The following DDX10 variants were observed in gnomAD, a reference collection of about 807,000 sequenced individuals.
DDX10 encodes the protein DEAD-box helicase 10.
DDX10 carries 74 observed loss-of-function variants against 104.3 expected under a neutral mutation model. The ratio of observed to expected loss-of-function variants is 0.71; its 90% CI spans 0.59 to 0.86. The LOEUF (loss-of-function observed/expected upper bound fraction) is 0.86. Among genes scored for constraint, DDX10 ranks in the 40% least tolerant of loss-of-function variants. DDX10 has a pLI of 0.00. For missense variants in DDX10, 952 were observed against 1,040.0 expected (o/e 0.92, Z 1.16); for synonymous variants, 351 against 353.4 (o/e 0.99, Z 0.08).
intron 16 of DDX10, chr11:108,860,773 T>C (rs2134613526): frequency 6.6e-6 from 1 of 152,232 alleles, no homozygotes; most frequent in South Asian, 2.1e-4. Flanking sequence ...CTTAAACTCC[T>C]GACCTCAAGT....
chr11:108,778,495 A>G (rs1021054476), intron 13 of DDX10, among the ~76,000 whole-genome samples: 4 of 152,254 alleles, frequency 2.6e-5, no homozygotes, highest in African/African-American at 9.6e-5. Context: ...AGCCATATGT[A>G]GAAAGCTGAA....
intron 13 of DDX10, among the ~76,000 whole-genome samples, chr11:108,806,663 G>A (rs1862104841): frequency 1.3e-5 from 2 of 152,198 alleles, no homozygotes; most frequent in Admixed American, 6.5e-5. Context: ...TCCTTTAAAT[G>A]TGGTGGCCAG....
At chr11:108,729,277 A>C (rs762177827) in intron 13 of DDX10, among the ~76,000 whole-genome samples, 4 of 152,142 alleles carry the variant, frequency 2.6e-5, no homozygotes, top group Non-Finnish European at 5.9e-5. Context: ...GCTCTTATTG[A>C]AGGAGGGTCA....
rs757543588 is a variant in DDX10, at chr11:108,715,961, C to G, written c.1405C>G (p.Gln469Glu). 6.6e-7 allele frequency: 1 copy of G among 1,522,804 alleles called. No homozygotes were observed. Among genetic ancestry groups the G allele is most frequent in the South Asian group, 1.2e-5 (1 of 86,754 alleles). The allele number at this position is 1,522,804 out of a possible 1,614,324, so 94.3% of individuals were successfully genotyped here. A position where few individuals can be genotyped will look rare whatever the true frequency, so the allele number is the denominator to read the frequency against. ...AGATCAAGATTTAAAAGAAAGAGCT[C>G]AAAGGGTAAGTCATTTTTCAGTTGG... Reference protein sequence around the residue: ...AQDQDLKERAQRCFVSYVRSV... With the variant: ...AQDQDLKERAERCFVSYVRSV... Residue 469 changes from glutamine to glutamate, a missense_variant, in exon 11 of 18, where the codon CAA (glutamine) becomes GAA (glutamate). Transcript: ENST00000322536.
At chr11:108,671,468 T>G (rs1049513578) in intron 1 of DDX10, among the ~76,000 whole-genome samples, 3 of 152,222 alleles carry the variant, frequency 2.0e-5, no homozygotes, top group Non-Finnish European at 4.4e-5. Context: ...CTGGCTGGGT[T>G]ATTTTCTTTG....
intron 15 of DDX10, among the ~76,000 whole-genome samples, chr11:108,849,268 A>G (rs1387490848): frequency 6.6e-6 from 1 of 152,138 alleles, no homozygotes; most frequent in East Asian, 1.9e-4. Context: ...ACACTGAAGT[A>G]AAGATGCATG....
chr11:108,797,986 C>T (rs943102236), intron 13 of DDX10, among the ~76,000 whole-genome samples: 20 of 152,206 alleles, frequency 1.3e-4, no homozygotes, highest in African/African-American at 4.8e-4. Context: ...GCAGTCTCCT[C>T]TTCGAACTCA....
At chr11:108,666,605 A>C (rs2094210519) in intron 1 of DDX10, among the ~76,000 whole-genome samples, 1 of 152,228 alleles carries the variant, frequency 6.6e-6, no homozygotes, top group African/African-American at 2.4e-5. Flanking sequence ...TGCTCCCTCC[A>C]GAGGTTCTAG....
intron 16 of DDX10, among the ~76,000 whole-genome samples, chr11:108,885,310 A>T (rs1863281309): frequency 6.6e-6 from 1 of 151,140 alleles, no homozygotes. Context: ...GTAACCTCAC[A>T]GTGTGGTATC....
chr11:108,931,348 CATAAAA>C (rs1863973362), intron 17 of DDX10, among the ~76,000 whole-genome samples: 1 of 152,190 alleles, frequency 6.6e-6, no homozygotes, highest in Non-Finnish European at 1.5e-5. Flanking sequence ...CATTTACAAA[CATAAAA>C]ATTGGCACCC....
chr11:108,665,316 C>A lies in DDX10; in HGVS notation c.163C>A (p.Arg55Ser). The change falls in exon 1 of 18, where the codon CGC becomes AGC. Residue 55 changes from arginine to serine, a missense_variant. Physicochemically the swap from Arg to Ser is moderately radical, Grantham distance 110. Transcript: ENST00000322536. The part of the protein sequence containing the change: ...EWQVERESIS[R>S]LMQNYEKINV... ...GCAGGTCGAGCGCGAGAGTATCAGC[C>A]GCCTCATGCAGAACTATGAAAAGGT... 1 of 1,600,342 alleles carries A rather than the reference C, an allele frequency of 6.2e-7. No individual in the cohort carries two copies. Among genetic ancestry groups the A allele is most frequent in the Non-Finnish European group, 8.5e-7 (1 of 1,174,152 alleles).
In DDX10 at chr11:108,723,481, G is replaced by T. The variant is rs769942942; in HGVS notation, c.1965+19G>T. ...ATTACAGGTAAGTTTACTCCCAGTG[G>T]AGGGTCTTCTATTACATTGTCTTAC... is the stretch of plus-strand genomic sequence containing the variant. On this transcript the variant is annotated intron_variant, in intron 13 of 17. Coordinates refer to ENST00000322536, the MANE Select transcript of DDX10 (RefSeq NM_004398.4). 4 of 1,595,736 alleles carry T rather than the reference G, an allele frequency of 2.5e-6. No individual in the cohort carries two copies. The highest frequency in any genetic ancestry group is 3.4e-6 in the Non-Finnish European group (4 of 1,172,142).
chr11:108,833,765 A>G (rs1451185571), intron 13 of DDX10, among the ~76,000 whole-genome samples: 1 of 151,768 alleles, frequency 6.6e-6, no homozygotes, highest in Non-Finnish European at 1.5e-5. Flanking sequence ...GTTTTTTTTG[A>G]CCTTTATTCC....
At chr11:108,689,149 C>G in intron 7 of DDX10, 87 bp downstream of exon 7, 2 of 1,418,788 alleles carry the variant, frequency 1.4e-6, no homozygotes, top group South Asian at 2.5e-5. Context: ...TTATATTGTA[C>G]GAGAAGTACA....
At chr11:108,788,387 A>C (rs1270886195) in intron 13 of DDX10, among the ~76,000 whole-genome samples, 1 of 149,768 alleles carries the variant, frequency 6.7e-6, no homozygotes, top group African/African-American at 2.5e-5. Flanking sequence ...TTTGAGCTGG[A>C]GTTTTGCTCT....
At chr11:108,674,249 G>A (rs186825725) in intron 2 of DDX10, among the ~76,000 whole-genome samples, 285 of 151,888 alleles carry the variant, frequency 1.9e-3, no homozygotes, top group Non-Finnish European at 3.1e-3. Flanking sequence ...CCTGGGAGGC[G>A]GGTTCATGCC....
chr11:108,871,529 A>T (rs1281253035), intron 16 of DDX10, among the ~76,000 whole-genome samples: 1 of 152,206 alleles, frequency 6.6e-6, no homozygotes. Context: ...TTTTCCTTCC[A>T]CTGCTCTAGA....
At chr11:108,811,604 CAAAA>C (rs905458104) in intron 13 of DDX10, among the ~76,000 whole-genome samples, 45 of 151,250 alleles carry the variant, frequency 3.0e-4, no homozygotes, top group African/African-American at 1.1e-3. Context: ...ATCTTTTTTT[CAAAA>C]AAAATCAGAA....
rs76854619 is a variant in DDX10 at position 108,766,601 on chromosome 11, G to A, written c.1965+43139G>A. On this transcript the variant is annotated intron_variant, in intron 13 of 17. Transcript: ENST00000322536. ...ACTTGTATTGTAATAACTTGGGAGT[G>A]AGTTTTATTTGTGGTTCATAAAATT... Among the ~76,000 whole-genome samples, 84 of 152,284 alleles carry A rather than the reference G, an allele frequency of 5.5e-4. 3 individuals are homozygous for A. The East Asian group carries it at 0.012, about 21-fold the overall frequency.
Sources: allele counts gnomAD v4.1 joint callset (sites outside exome capture counted in the v4.1 genomes callset), GRCh38; gene constraint gnomAD v4.1.1; transcripts MANE v1.5; gene names NCBI Gene and HGNC (gene_info 2026-07-23, HGNC 2026-07-21).